The following BOP1 variants were observed in gnomAD, a reference collection of about 807,000 sequenced individuals.
BOP1 encodes ribosome biogenesis protein BOP1.
In BOP1, 54 loss-of-function variants were observed where a neutral mutation model predicts 82.9. The observed-to-expected ratio is 0.65, with a 90% CI of 0.52 to 0.82. The LOEUF (loss-of-function observed/expected upper bound fraction) is 0.82, where lower values mean the gene tolerates loss of function less well. Ranked by LOEUF, BOP1 falls within the 40% of genes least tolerant of loss-of-function variation. BOP1 has a pLI of 0.00. For missense variants in BOP1, 1,170 were observed against 1,072.0 expected (o/e 1.09, Z -1.28); for synonymous variants, 566 against 451.1 (o/e 1.25, Z -3.23).
intron 3 of BOP1, among the ~76,000 whole-genome samples, chr8:144,271,918 G>A (rs1845498687): frequency 6.6e-6 from 1 of 152,106 alleles, no homozygotes; most frequent in Non-Finnish European, 1.5e-5. Flanking sequence ...CTGACCCAGG[G>A]GTCCTTGCAC....
At chr8:144,290,476 T>C (rs1815021091) in intron 1 of BOP1, among the ~76,000 whole-genome samples, 1 of 152,268 alleles carries the variant, frequency 6.6e-6, no homozygotes, top group Non-Finnish European at 1.5e-5. Context: ...TATTAGCTAT[T>C]GCATACCGAG....
At chr8:144,266,997 C>T (rs1451763939) in intron 3 of BOP1, 2 of 1,545,756 alleles carry the variant, frequency 1.3e-6, no homozygotes, top group Admixed American at 1.8e-5. Context: ...CGCACCTGGG[C>T]AACGTGCTGC....
intron 1 of BOP1, among the ~76,000 whole-genome samples, chr8:144,290,387 G>A (rs756566388): frequency 6.6e-6 from 1 of 151,912 alleles, no homozygotes; most frequent in East Asian, 1.9e-4. Context: ...AAAGAAAAAG[G>A]AAGCAGTTGA....
At chr8:144,287,520 G>T (rs540129057) in intron 2 of BOP1, among the ~76,000 whole-genome samples, 116 of 150,194 alleles carry the variant, frequency 7.7e-4, no homozygotes, top group Middle Eastern at 3.4e-3. Flanking sequence ...ATTTTTTTTT[G>T]AAACAGGGTC....
Position 144,263,884 on chromosome 8 carries a change from G to A in BOP1, c.1168C>T (p.Pro390Ser), listed in dbSNP as rs1845297172. 6.2e-7 allele frequency: 1 copy of A among 1,611,594 alleles called. No individual in the cohort carries two copies. The highest frequency in any genetic ancestry group is 1.3e-5 in the African/African-American group (1 of 74,848). ...RVNVDPEDLI[P>S]KLPRPRDLQP... is the part of the protein sequence containing the mutation. ...AGGTCCCTCGGCCGAGGCAGCTTGG[G>A]GATGAGGTCCTCAGGGTCTACATTC... Residue 390 changes from proline to serine, a missense_variant, in exon 9 of 16, where the codon CCC becomes TCC. Pro to Ser is a moderately conservative substitution (Grantham distance 74). Coordinates refer to ENST00000569669, the MANE Select transcript of BOP1 (RefSeq NM_015201.5).
At chr8:144,279,517 A>G (rs1845635700) in intron 2 of BOP1, among the ~76,000 whole-genome samples, 1 of 152,174 alleles carries the variant, frequency 6.6e-6, no homozygotes. Flanking sequence ...AAGGACCCCC[A>G]TCTATCAGGC....
chr8:144,273,811 C>T lies in BOP1; in HGVS notation c.390+2413G>A, dbSNP rs113546736. On this transcript the variant is annotated intron_variant, in intron 3 of 15. Transcript: ENST00000569669. Reference sequence around the variant, plus strand: ...GCTCCTGGGGGCCCCCCACTGCCGGCGGCAGGACCCCAGCCAGGCCCAGCG... The same window carrying T: ...GCTCCTGGGGGCCCCCCACTGCCGGTGGCAGGACCCCAGCCAGGCCCAGCG... Among the ~76,000 whole-genome samples, 27 of 150,940 alleles carry T rather than the reference C, an allele frequency of 1.8e-4. No individual in the cohort carries two copies. The East Asian group carries it at 3.7e-3, about 21-fold the overall frequency.
intron 3 of BOP1, chr8:144,265,423 G>A: frequency 2.4e-6 from 1 of 412,692 alleles, no homozygotes. Context: ...CCCTGGCAGG[G>A]GCCTTAGGCA....
chr8:144,266,599 G>A (rs1184506151), intron 3 of BOP1: 2 of 1,111,204 alleles, frequency 1.8e-6, no homozygotes, highest in Non-Finnish European at 2.2e-6. Flanking sequence ...CTGACGCCGC[G>A]CCCCCGCCGG....
intron 1 of BOP1, among the ~76,000 whole-genome samples, chr8:144,290,424 T>G (rs778490882): frequency 3.3e-5 from 5 of 152,204 alleles, no homozygotes; most frequent in Non-Finnish European, 7.3e-5. Context: ...TTTACTGTTT[T>G]CCTAATAGTT....
chr8:144,270,111 T>C (rs1006011494), intron 3 of BOP1, among the ~76,000 whole-genome samples: 6 of 152,122 alleles, frequency 3.9e-5, no homozygotes, highest in African/African-American at 1.4e-4. Flanking sequence ...GGATGGAAGA[T>C]AGTGAAAGTC....
chr8:144,265,868 C>CGGGGGAA (rs1160030739), intron 3 of BOP1: 15 of 152,948 alleles, frequency 9.8e-5, no homozygotes, highest in African/African-American at 3.1e-4. Flanking sequence ...TGGAGAGGAA[C>CGGGGGAA]GGGGGAAGGA....
intron 3 of BOP1, among the ~76,000 whole-genome samples, chr8:144,273,455 C>G (rs1215893248): frequency 6.6e-6 from 1 of 152,240 alleles, no homozygotes; most frequent in Non-Finnish European, 1.5e-5. Flanking sequence ...AAAGGGACAG[C>G]AGAGGGCGGC....
At chr8:144,280,335 C>G (rs1413362847) in intron 2 of BOP1, among the ~76,000 whole-genome samples, 1 of 152,252 alleles carries the variant, frequency 6.6e-6, no homozygotes, top group Non-Finnish European at 1.5e-5. Flanking sequence ...ACTGGGCAGC[C>G]CCTTTCCAGA....
chr8:144,265,243 G>A, intron 3 of BOP1, 172 bp from the exon 4 acceptor site: 2 of 755,812 alleles, frequency 2.6e-6, no homozygotes, highest in South Asian at 3.7e-5. Flanking sequence ...GGTCTGACGT[G>A]GCATGGCGGC....
chr8:144,283,650 G>A (rs1814778582), intron 2 of BOP1, among the ~76,000 whole-genome samples: 1 of 151,828 alleles, frequency 6.6e-6, no homozygotes, highest in South Asian at 2.1e-4. Context: ...TTTCAGTTAA[G>A]CCCAGCTGTG....
Position 144,284,595 on chromosome 8 carries a change from G to A in BOP1, c.309+4500C>T, listed in dbSNP as rs1164505017. 2.0e-5 allele frequency among the ~76,000 whole-genome samples: 3 copies of A among 152,166 alleles called. No individual in the cohort carries two copies. The East Asian group carries it at 5.8e-4, about 29-fold the overall frequency. On this transcript the variant is annotated intron_variant, in intron 2 of 15. Coordinates refer to ENST00000569669, the MANE Select transcript of BOP1 (RefSeq NM_015201.5). ...CTCTGTGCGAGTTTGGATATGTCTA[G>A]AACATCCTGGAAAGAGACTTCAGCA... is the stretch of plus-strand genomic sequence containing the variant.
At chr8:144,266,608 G>A (rs1845372737) in intron 3 of BOP1, 11 of 1,151,370 alleles carry the variant, frequency 9.6e-6, no homozygotes, top group South Asian at 5.4e-5. Flanking sequence ...CGCCCCCGCC[G>A]GCCCCATGTC....
At position 144,264,763 on chromosome 8, in the gene BOP1, C is replaced by A. The variant is rs1845317561; in HGVS notation, c.614G>T (p.Arg205Leu). The A allele has an allele frequency of 1.2e-6, 2 of 1,601,996 alleles. No individual in the cohort carries two copies. Among genetic ancestry groups the A allele is most frequent in the Non-Finnish European group, 1.7e-6 (2 of 1,175,558 alleles). ...RLTDEQVALVRRLQSGQFGDV... is the reference protein window; with the variant it reads ...RLTDEQVALVLRLQSGQFGDV... ...CCCAAACTGGCCACTCTGCAGCCGC[C>A]GCACCAGGGCCACCTGCTCATCCGT... is the stretch of plus-strand genomic sequence containing the variant. Residue 205 changes from arginine (R) to leucine (L), a missense_variant, in exon 5 of 16, where the codon CGG becomes CTG. Arg to Leu is a moderately radical substitution (Grantham distance 102). Coordinates refer to ENST00000569669, the MANE Select transcript of BOP1 (RefSeq NM_015201.5).
Sources: gnomAD v4.1 joint callset for allele counts (sites outside exome capture counted in the v4.1 genomes callset) on GRCh38, gnomAD v4.1.1 for gene constraint, MANE v1.5 for transcripts, NCBI Gene and HGNC (gene_info 2026-07-23, HGNC 2026-07-21) for gene names.